CLK2: variants seen among roughly 807,000 people sequenced by gnomAD.
CLK2 encodes the protein dual specificity protein kinase CLK2.
In CLK2, 12 loss-of-function variants were observed where a neutral mutation model predicts 73.5. The observed-to-expected ratio is 0.16, with a 90% CI of 0.10 to 0.26. The LOEUF (loss-of-function observed/expected upper bound fraction) is 0.26. Among genes scored for constraint, CLK2 ranks in the 10% least tolerant of loss-of-function variants. CLK2 has a pLI of 1.00. For missense variants in CLK2, 509 were observed against 688.4 expected, an observed-to-expected ratio of 0.74 and a Z score of 2.92; for synonymous variants, 232 against 237.9, an observed-to-expected ratio of 0.98 and a Z score of 0.23.
chr1:155,266,502 T>G (rs1236933504), intron 7 of CLK2, among the ~76,000 whole-genome samples: 1 of 152,264 alleles, frequency 6.6e-6, no homozygotes, highest in Non-Finnish European at 1.5e-5. Flanking sequence ...TTCCAAAGGC[T>G]TTCTCTTCTA....
chr1:155,267,513 C>T (rs1423558859), intron 6 of CLK2, among the ~76,000 whole-genome samples: 1 of 152,212 alleles, frequency 6.6e-6, no homozygotes, highest in Middle Eastern at 3.2e-3. Context: ...TCCTAAATCC[C>T]AACCCCAGCC....
In CLK2 at chr1:155,268,475, A is replaced by AT. The variant is rs1451218884; in HGVS notation, c.488-117dup. 7.0e-6 allele frequency: 6 copies of AT among 863,064 alleles called. No individual in the cohort carries two copies. In the African/African-American group the frequency reaches 9.9e-5, roughly 14 times the overall value. The allele number at this position is 863,064 out of a possible 1,614,324, so 53.5% of individuals were successfully genotyped here. A position where few individuals can be genotyped will look rare whatever the true frequency, so the allele number is the denominator to read the frequency against. ...GGTGGAGATGAAGGAAGGGGAACAG[A>AT]TACAGATGGTCACAGGGGAAGAAAA... On this transcript the variant is annotated intron_variant, in intron 4 of 12. Transcript: ENST00000368361. This position sits in a 1 kb window ranked among gnomAD's most constrained non-coding sequence, Gnocchi z 5.6.
At chr1:155,266,003 A>G (rs1377836590) in intron 7 of CLK2, 49 bp from the exon 8 acceptor site, 1 of 1,317,232 alleles carries the variant, frequency 7.6e-7, no homozygotes, top group Non-Finnish European at 1.1e-6. Context: ...GCCAGAGCTA[A>G]CTGGTATCAG....
At chr1:155,265,496 G>C (rs939283769) in intron 8 of CLK2, among the ~76,000 whole-genome samples, 1 of 152,040 alleles carries the variant, frequency 6.6e-6, no homozygotes, top group Non-Finnish European at 1.5e-5. Context: ...AAACCTGGGA[G>C]GTAGAGGTTG....
chr1:155,269,479 G>C lies in CLK2; in HGVS notation c.399+9C>G, dbSNP rs1263537325. 2 of 1,612,280 alleles carry C rather than the reference G, an allele frequency of 1.2e-6. No homozygotes were observed. Among genetic ancestry groups the C allele is most frequent in the Non-Finnish European group, 1.7e-6 (2 of 1,179,012 alleles). On this transcript the variant is annotated intron_variant, in intron 3 of 12. Transcript: ENST00000368361. ...AGTGGGGAGAGGAAGGGCCTGGGCT[G>C]GCACTCACCGAAGATGAGCGGCTAA...
chr1:155,271,973 C>T (rs1673529019), intron 1 of CLK2, among the ~76,000 whole-genome samples: 1 of 151,948 alleles, frequency 6.6e-6, no homozygotes, highest in African/African-American at 2.4e-5. Flanking sequence ...CATCTGGCCC[C>T]TCCACTCTTG....
chr1:155,268,229 A>T lies in CLK2; in HGVS notation c.554+64T>A. 6.4e-7 allele frequency: 1 copy of T among 1,571,054 alleles called. No individual in the cohort carries two copies. The highest frequency in any genetic ancestry group is 8.8e-7 in the Non-Finnish European group (1 of 1,141,112). On this transcript the variant is annotated intron_variant, in intron 5 of 12. Transcript: ENST00000368361. This position sits in a 1 kb window ranked among gnomAD's most constrained non-coding sequence, Gnocchi z 5.6. Reference sequence around the variant, plus strand: ...AATTCTACCTCAGGTTAATTAGCAAAAAAGCCCCATATAACCCCAACCATC... The same window carrying T: ...AATTCTACCTCAGGTTAATTAGCAATAAAGCCCCATATAACCCCAACCATC...
Position 155,268,876 on chromosome 1 carries a change from T to C in CLK2, c.400-81A>G, listed in dbSNP as rs1673355896. ...GGAGGCGGGGTGGGTGGTAGAGGGGTCACCGGTCACAGGCGCCCAGCCAGG... is the reference window on the plus strand; with the variant it reads ...GGAGGCGGGGTGGGTGGTAGAGGGGCCACCGGTCACAGGCGCCCAGCCAGG... On this transcript the variant is annotated intron_variant, in intron 3 of 12. Transcript: ENST00000368361. This position sits in a 1 kb window ranked among gnomAD's most constrained non-coding sequence, Gnocchi z 5.6. The C allele has an allele frequency of 4.9e-6, 4 of 812,232 alleles. No individual in the cohort carries two copies. The highest frequency in any genetic ancestry group is 1.4e-5 in the South Asian group (1 of 70,324). 50.3% of individuals were successfully genotyped at this position (812,232 alleles called of 1,614,324 possible). A position where few individuals can be genotyped will look rare whatever the true frequency, so the allele number is the denominator to read the frequency against.
rs1215415285 is a variant in CLK2 at position 155,271,014 on chromosome 1, G to A, written c.1-37C>T. 7.5e-6 allele frequency: 12 copies of A among 1,591,898 alleles called. 1 individual carries two copies. Among genetic ancestry groups the A allele is most frequent in the African/African-American group, 5.4e-5 (4 of 74,498 alleles). On this transcript the variant is annotated intron_variant, in intron 1 of 12. Transcript: ENST00000368361. ...GGGAAAGCGGAAATAGGAAAGTTTC[G>A]AGTTTTCAGAAATCTCCTCCAAGGA...
chr1:155,267,015 C>T, intron 6 of CLK2, 120 bp from the exon 7 acceptor site: 1 of 1,094,644 alleles, frequency 9.1e-7, no homozygotes, highest in East Asian at 2.7e-5. Flanking sequence ...ACCATGCCAG[C>T]TAGTACTAAC....
intron 1 of CLK2, among the ~76,000 whole-genome samples, chr1:155,271,258 G>A (rs973433739): frequency 2.0e-5 from 3 of 152,054 alleles, no homozygotes; most frequent in Middle Eastern, 6.8e-3. Context: ...ACAGAGTCTC[G>A]CTGTGTGGCC....
At chr1:155,270,017 C>A (rs1472893627) in intron 2 of CLK2, among the ~76,000 whole-genome samples, 1 of 152,078 alleles carries the variant, frequency 6.6e-6, no homozygotes, top group Non-Finnish European at 1.5e-5. Context: ...TGAATGAAAT[C>A]CCCCCTTGCT....
In CLK2 at chr1:155,273,470, T is replaced by TCCGCCG. The variant is rs1284514944; in HGVS notation, c.-276_-271dup. On this transcript the variant is annotated 5_prime_UTR_variant, in exon 1 of 13. Coordinates refer to ENST00000368361, the MANE Select transcript of CLK2 (RefSeq NM_001294338.2). ...CGGTCTCCGGCTCTGGCCTCTCCGC[T>TCCGCCG]CCGCCGCCGCCGCCGTGAGCGAGCA... 4 of 152,846 alleles carry TCCGCCG rather than the reference T, an allele frequency of 2.6e-5. No individual in the cohort carries two copies. The highest frequency in any genetic ancestry group is 5.8e-5 in the Non-Finnish European group (4 of 68,654). 9.5% of individuals were successfully genotyped at this position (152,846 alleles called of 1,614,324 possible). A position where few individuals can be genotyped will look rare whatever the true frequency, so the allele number is the denominator to read the frequency against.
chr1:155,268,993 A>G lies in CLK2; in HGVS notation c.400-198T>C, dbSNP rs1031075656. 3 of 611,962 alleles carry G rather than the reference A, an allele frequency of 4.9e-6. No homozygotes were observed. The Admixed American group carries it at 8.1e-5, about 17-fold the overall frequency. 37.9% of individuals were successfully genotyped at this position (611,962 alleles called of 1,614,324 possible). On this transcript the variant is annotated intron_variant, in intron 3 of 12. Transcript: ENST00000368361. This position sits in a 1 kb window ranked among gnomAD's most constrained non-coding sequence, Gnocchi z 5.6. ...AGAAGAGAGAGCGGCGCATAATCCC[A>G]AGTCCCCAAACCCAAAACAGGAACA... is the stretch of plus-strand genomic sequence containing the variant.
At chr1:155,271,295 G>A (rs2148147417) in intron 1 of CLK2, among the ~76,000 whole-genome samples, 1 of 152,108 alleles carries the variant, frequency 6.6e-6, no homozygotes. Flanking sequence ...GCACAATCTC[G>A]GCTCACTGCA....
chr1:155,269,587 T>C lies in CLK2; in HGVS notation c.300A>G (p.Glu100=), dbSNP rs764402922. 4 of 1,614,100 alleles carry C rather than the reference T, an allele frequency of 2.5e-6. No individual in the cohort carries two copies. The highest frequency in any genetic ancestry group is 1.6e-4 in the Middle Eastern group (1 of 6,084). The part of the protein sequence containing the change: ...YYDTDYRHSY[E]YQRENSSYRS... Reference sequence around the variant, plus strand: ...GGTAACTGCTGTTCTCCCGCTGATATTCATAGGAATGCCGATAGTCTGTGT... The same window carrying C: ...GGTAACTGCTGTTCTCCCGCTGATACTCATAGGAATGCCGATAGTCTGTGT... The change falls in exon 3 of 13, where the codon GAA becomes GAG. Residue 100 remains glutamate (E), a synonymous_variant. Coordinates refer to ENST00000368361, the MANE Select transcript of CLK2 (RefSeq NM_001294338.2).
rs1228209437 is a variant in CLK2, at chr1:155,268,814, G to A, written c.400-19C>T. On this transcript the variant is annotated intron_variant, in intron 3 of 12. Coordinates refer to ENST00000368361, the MANE Select transcript of CLK2 (RefSeq NM_001294338.2). This position sits in a 1 kb window ranked among gnomAD's most constrained non-coding sequence, Gnocchi z 5.6. ...TGTGCTGCTGTCGGGGGGCAGGGGG[G>A]GTCGGAGCAAGCCAGGTGTCGGAGC... 16 of 1,601,158 alleles carry A rather than the reference G, an allele frequency of 1.0e-5. No homozygotes were observed. Among genetic ancestry groups the A allele is most frequent in the Non-Finnish European group, 1.3e-5 (15 of 1,172,428 alleles).
At chr1:155,267,710 G>A (rs1297576665) in intron 6 of CLK2, among the ~76,000 whole-genome samples, 1 of 152,288 alleles carries the variant, frequency 6.6e-6, no homozygotes, top group East Asian at 1.9e-4. Flanking sequence ...TTCATTGTTC[G>A]ATGAGGTTGA....
At chr1:155,272,008 T>C (rs1357424643) in intron 1 of CLK2, among the ~76,000 whole-genome samples, 1 of 143,680 alleles carries the variant, frequency 7.0e-6, no homozygotes, top group Non-Finnish European at 1.5e-5. Context: ...ATAACAACTG[T>C]TTCTTGTGTT....
Sources: allele counts gnomAD v4.1 joint callset (sites outside exome capture counted in the v4.1 genomes callset), GRCh38; gene constraint gnomAD v4.1.1; non-coding constraint Gnocchi (gnomAD v3.1); transcripts MANE v1.5; gene names NCBI Gene and HGNC (gene_info 2026-07-23, HGNC 2026-07-21).